SLC14A2: variants seen among roughly 807,000 people sequenced by gnomAD.
The protein encoded by SLC14A2 is urea transporter 2.
Under a neutral mutation model 104.6 loss-of-function variants are expected in SLC14A2, and 91 were observed. That is an observed-to-expected ratio of 0.87 (90% confidence interval 0.73 to 1.04). SLC14A2 has a LOEUF of 1.04. Ranked by LOEUF, SLC14A2 falls within the 50% of genes least tolerant of loss-of-function variation. The pLI, the probability that SLC14A2 is intolerant of heterozygous loss-of-function variation, is 0.00. For synonymous variants in SLC14A2, 476 were observed against 466.4 expected, an observed-to-expected ratio of 1.02 and a Z score of -0.27; for missense variants, 1,189 against 1,156.0, an observed-to-expected ratio of 1.03 and a Z score of -0.41.
At chr18:45,416,459 G>T (rs1391038280) in intron 1 of SLC14A2, among the ~76,000 whole-genome samples, 1 of 151,970 alleles carries the variant, frequency 6.6e-6, no homozygotes, top group Non-Finnish European at 1.5e-5. Flanking sequence ...AATTGGTCGT[G>T]GCCTTTTATT....
intron 1 of SLC14A2, among the ~76,000 whole-genome samples, chr18:45,385,095 G>A (rs1173044885): frequency 6.6e-6 from 1 of 152,202 alleles, no homozygotes; most frequent in Non-Finnish European, 1.5e-5. Context: ...AAAAACATCT[G>A]CACACTGAAA....
chr18:45,540,388 T>C (rs2043867942), intron 2 of SLC14A2, among the ~76,000 whole-genome samples: 1 of 152,154 alleles, frequency 6.6e-6, no homozygotes, highest in African/African-American at 2.4e-5. Flanking sequence ...AAATTCACCC[T>C]GTTGTGGGCA....
At chr18:45,547,924 G>A (rs1241994513) in intron 2 of SLC14A2, among the ~76,000 whole-genome samples, 1 of 152,206 alleles carries the variant, frequency 6.6e-6, no homozygotes, top group East Asian at 1.9e-4. Flanking sequence ...GTGATCAGAG[G>A]AGGGTAAGAC....
chr18:45,367,710 C>T (rs1414472786), intron 1 of SLC14A2, among the ~76,000 whole-genome samples: 1 of 152,140 alleles, frequency 6.6e-6, no homozygotes, highest in Non-Finnish European at 1.5e-5. Context: ...CAAGTATTTA[C>T]ACCATGGAAA....
At chr18:45,401,499 T>G (rs563532774) in intron 1 of SLC14A2, among the ~76,000 whole-genome samples, 1 of 152,332 alleles carries the variant, frequency 6.6e-6, no homozygotes, top group South Asian at 2.1e-4. Context: ...GTCAGGAGGC[T>G]GAAGCTGATG....
chr18:45,242,330 A>C (rs1209854706), intron 1 of SLC14A2, among the ~76,000 whole-genome samples: 2 of 152,160 alleles, frequency 1.3e-5, no homozygotes, highest in African/African-American at 4.8e-5. Context: ...TGTTGTAAAA[A>C]CTGCCGTAAA....
intron 2 of SLC14A2, among the ~76,000 whole-genome samples, chr18:45,484,577 AT>A (rs1464675917): frequency 6.6e-6 from 1 of 152,164 alleles, no homozygotes; most frequent in Non-Finnish European, 1.5e-5. Context: ...TCCCCTTCTC[AT>A]GGTTAAGGCA....
chr18:45,238,847 T>C (rs1162809762), intron 1 of SLC14A2, among the ~76,000 whole-genome samples: 4 of 152,182 alleles, frequency 2.6e-5, no homozygotes, highest in South Asian at 4.1e-4. Flanking sequence ...TTGTTTGTTT[T>C]TTATTTTAAA....
chr18:45,520,391 C>T (rs1030515974), intron 2 of SLC14A2, among the ~76,000 whole-genome samples: 3 of 152,068 alleles, frequency 2.0e-5, no homozygotes, highest in African/African-American at 4.8e-5. Flanking sequence ...GTGCAGGCTG[C>T]GAGTCCATGG....
At chr18:45,263,466 G>A (rs767411639) in intron 1 of SLC14A2, among the ~76,000 whole-genome samples, 3 of 152,116 alleles carry the variant, frequency 2.0e-5, no homozygotes, top group Admixed American at 6.5e-5. Context: ...AGATATCTTA[G>A]AGGAGATACT....
intron 2 of SLC14A2, among the ~76,000 whole-genome samples, chr18:45,555,575 A>G (rs1414441583): frequency 2.0e-5 from 3 of 152,206 alleles, no homozygotes; most frequent in Non-Finnish European, 4.4e-5. Flanking sequence ...ACATAAACCA[A>G]TCTTAGAATT....
At chr18:45,261,935 G>C (rs2084543077) in intron 1 of SLC14A2, among the ~76,000 whole-genome samples, 1 of 152,162 alleles carries the variant, frequency 6.6e-6, no homozygotes, top group African/African-American at 2.4e-5. Context: ...TAATGGGATG[G>C]CTGGGTCAAA....
At chr18:45,389,680 G>A (rs997876649) in intron 1 of SLC14A2, among the ~76,000 whole-genome samples, 2 of 152,178 alleles carry the variant, frequency 1.3e-5, no homozygotes, top group African/African-American at 4.8e-5. Context: ...GCTTACAGGT[G>A]CCAGAGGCAA....
intron 1 of SLC14A2, among the ~76,000 whole-genome samples, chr18:45,244,639 G>T (rs2084350505): frequency 6.6e-6 from 1 of 152,014 alleles, no homozygotes; most frequent in Non-Finnish European, 1.5e-5. Flanking sequence ...AGAAAAAGGA[G>T]TGGGGGGGTG....
At position 45,509,525 on chromosome 18, in the gene SLC14A2, A is replaced by C. The variant is rs1156395656; in HGVS notation, c.-35+26203A>C. Among the ~76,000 whole-genome samples the C allele has an allele frequency of 2.6e-5, 4 of 152,224 alleles. No homozygotes were observed. The South Asian group carries it at 8.3e-4, about 32-fold the overall frequency. On this transcript the variant is annotated intron_variant, in intron 2 of 20. Coordinates refer to the SLC14A2 transcript ENST00000586448. ...ATGAAAGCAATCAAGGTTTAAAAGA[A>C]AAAAAAGACATTTACAGAAAAGCCC...
chr18:45,339,921 A>T (rs1374014311), intron 1 of SLC14A2, among the ~76,000 whole-genome samples: 1 of 152,272 alleles, frequency 6.6e-6, no homozygotes, highest in Non-Finnish European at 1.5e-5. Context: ...GCATATGGTC[A>T]GCTTCGCTGT....
chr18:45,585,925 C>T (rs1379839194), intron 2 of SLC14A2, among the ~76,000 whole-genome samples: 1 of 152,168 alleles, frequency 6.6e-6, no homozygotes, highest in Non-Finnish European at 1.5e-5. Flanking sequence ...TCCTGTGATG[C>T]CACCTCGCAC....
chr18:45,239,049 G>A (rs2144044501), intron 1 of SLC14A2, among the ~76,000 whole-genome samples: 1 of 152,270 alleles, frequency 6.6e-6, no homozygotes, highest in Non-Finnish European at 1.5e-5. Flanking sequence ...TAAGAAAAAG[G>A]TGCATATGTT....
At chr18:45,378,422 T>A (rs879614064) in intron 1 of SLC14A2, among the ~76,000 whole-genome samples, 2 of 152,204 alleles carry the variant, frequency 1.3e-5, no homozygotes, top group Admixed American at 1.3e-4. Flanking sequence ...CCATCCCCTA[T>A]CTCTATTGAA....
Sources: gnomAD v4.1 joint callset for allele counts (sites outside exome capture counted in the v4.1 genomes callset) on GRCh38, gnomAD v4.1.1 for gene constraint, MANE v1.5 for transcripts, NCBI Gene and HGNC (gene_info 2026-07-23, HGNC 2026-07-21) for gene names.